Variants in AGBL1 observed in about 807,000 individuals in gnomAD.
The protein encoded by AGBL1 is AGBL carboxypeptidase 1, also known as cytosolic carboxypeptidase 4.
AGBL1 carries 130 observed loss-of-function variants against 118.9 expected under a neutral mutation model. That is an observed-to-expected ratio of 1.09 (90% CI 0.95 to 1.26). The LOEUF (loss-of-function observed/expected upper bound fraction) is 1.26. Ranked by LOEUF, AGBL1 falls within the 50% of genes most tolerant of loss-of-function variation. The probability of loss-of-function intolerance (pLI) is 0.00; values close to 1 mark genes in which losing one functional copy is unlikely to be tolerated. For missense variants in AGBL1, 1,584 were observed against 1,298.1 expected, an observed-to-expected ratio of 1.22 and a Z score of -3.38; for synonymous variants, 555 against 478.9, an observed-to-expected ratio of 1.16 and a Z score of -2.08.
At chr15:86,621,984 C>G (rs1232034570) in intron 21 of AGBL1, among the ~76,000 whole-genome samples, 1 of 152,012 alleles carries the variant, frequency 6.6e-6, no homozygotes. Context: ...AATTAGAAAC[C>G]AGCTTCCCTC....
intron 18 of AGBL1, among the ~76,000 whole-genome samples, chr15:86,402,547 C>T (rs767062975): frequency 1.1e-4 from 16 of 152,046 alleles, no homozygotes; most frequent in African/African-American, 1.9e-4. Context: ...AAAGAAATGT[C>T]CTGTGTGTTG....
At chr15:86,118,703 G>A (rs1231980989) in intron 1 of AGBL1, among the ~76,000 whole-genome samples, 1 of 151,850 alleles carries the variant, frequency 6.6e-6, no homozygotes, top group Non-Finnish European at 1.5e-5. Flanking sequence ...TTCTTCTCTT[G>A]GATTCTGTTT....
downstream of AGBL1, among the ~76,000 whole-genome samples, chr15:86,917,143 T>C (rs1022683590): frequency 6.6e-6 from 1 of 152,112 alleles, no homozygotes; most frequent in South Asian, 2.1e-4. The surrounding 1 kb of genome is among the most constrained non-coding windows in gnomAD (Gnocchi z 4.8). Context: ...GGGAGTTTGA[T>C]GCCACCCTGG....
At chr15:86,172,657 T>C (rs1362777767) in intron 5 of AGBL1, among the ~76,000 whole-genome samples, 2 of 152,182 alleles carry the variant, frequency 1.3e-5, no homozygotes, top group Non-Finnish European at 2.9e-5. Context: ...GATCCATCCA[T>C]GTTGCTGCAA....
intron 12 of AGBL1, 36 bp downstream of exon 12, chr15:86,266,493 T>A (rs1280883023): frequency 6.9e-7 from 1 of 1,447,278 alleles, no homozygotes; most frequent in South Asian, 1.3e-5. Context: ...AGGTGGGGCA[T>A]GGAGAATTCT....
At chr15:86,648,972 G>T (rs191361177) in intron 21 of AGBL1, among the ~76,000 whole-genome samples, 5 of 152,228 alleles carry the variant, frequency 3.3e-5, no homozygotes, top group Admixed American at 1.3e-4. Context: ...GAGAAATGGG[G>T]CCATTGTTGG....
At chr15:86,280,127 C>T (rs552271573) in intron 16 of AGBL1, among the ~76,000 whole-genome samples, 67 of 150,710 alleles carry the variant, frequency 4.4e-4, no homozygotes, top group African/African-American at 1.6e-3. Context: ...TGGGGAGCAA[C>T]ACCATACAAG....
chr15:86,366,572 A>G (rs1265332358), intron 17 of AGBL1, among the ~76,000 whole-genome samples: 1 of 152,190 alleles, frequency 6.6e-6, no homozygotes, highest in Non-Finnish European at 1.5e-5. Flanking sequence ...TAAATTGTTC[A>G]GTTAGATGTG....
intron 22 of AGBL1, among the ~76,000 whole-genome samples, chr15:86,870,202 T>C (rs2079700351): frequency 6.6e-6 from 1 of 151,956 alleles, no homozygotes; most frequent in African/African-American, 2.4e-5. Flanking sequence ...AGGGAACTAA[T>C]TTATAGCCAC....
chr15:86,576,603 G>T (rs1012075254), intron 21 of AGBL1, among the ~76,000 whole-genome samples: 1 of 152,172 alleles, frequency 6.6e-6, no homozygotes, highest in African/African-American at 2.4e-5. Flanking sequence ...GAGGTCTTTA[G>T]GCTGCACTTG....
intron 21 of AGBL1, among the ~76,000 whole-genome samples, chr15:86,601,133 G>A (rs2084486468): frequency 6.6e-6 from 1 of 152,132 alleles, no homozygotes; most frequent in Non-Finnish European, 1.5e-5. Context: ...ACAGTTGACA[G>A]AGTTGTTTGT....
At chr15:86,313,700 T>C (rs1384046059) in intron 17 of AGBL1, among the ~76,000 whole-genome samples, 1 of 152,258 alleles carries the variant, frequency 6.6e-6, no homozygotes, top group Non-Finnish European at 1.5e-5. Context: ...TATGAATTAT[T>C]GACTTCAAGT....
intron 19 of AGBL1, 88 bp from the exon 20 acceptor site, chr15:86,545,914 A>G: frequency 2.7e-6 from 4 of 1,466,746 alleles, no homozygotes; most frequent in Non-Finnish European, 3.7e-6. Context: ...TCTTTGAGCC[A>G]TGGAACATGA....
At chr15:86,920,466 A>G (rs936277780), downstream of AGBL1, among the ~76,000 whole-genome samples, 14 of 152,220 alleles carry the variant, frequency 9.2e-5, no homozygotes, top group Admixed American at 7.2e-4. Context: ...GTATAATCAC[A>G]GGAGTGAAAT....
At chr15:86,971,230 G>C (rs1328525455) in intron 23 of AGBL1, among the ~76,000 whole-genome samples, 1 of 151,934 alleles carries the variant, frequency 6.6e-6, no homozygotes, top group Non-Finnish European at 1.5e-5. Context: ...TGTCATACTT[G>C]GATGTAGATG....
intron 22 of AGBL1, among the ~76,000 whole-genome samples, chr15:86,771,536 T>C (rs1197422915): frequency 6.6e-6 from 1 of 151,928 alleles, no homozygotes; most frequent in African/African-American, 2.4e-5. Flanking sequence ...TCTGGTTTGG[T>C]ATGGGGGAAA....
At chr15:86,208,422 A>G (rs576514877) in intron 5 of AGBL1, among the ~76,000 whole-genome samples, 17 of 152,330 alleles carry the variant, frequency 1.1e-4, no homozygotes, top group African/African-American at 4.1e-4. Flanking sequence ...TACCTCTGGT[A>G]GAATTTGGCT....
chr15:86,775,316 A>G (rs754026569), intron 22 of AGBL1, among the ~76,000 whole-genome samples: 1 of 152,164 alleles, frequency 6.6e-6, no homozygotes, highest in Admixed American at 6.6e-5. Context: ...AAACCCTGGG[A>G]CACTATGACT....
intron 22 of AGBL1, among the ~76,000 whole-genome samples, chr15:86,848,045 C>T (rs557450590): frequency 6.6e-6 from 1 of 152,174 alleles, no homozygotes; most frequent in East Asian, 1.9e-4. Context: ...TTTTTTCCTG[C>T]TTGCTATAAA....
Sources: gnomAD v4.1 joint callset for allele counts (sites outside exome capture counted in the v4.1 genomes callset) on GRCh38, gnomAD v4.1.1 for gene constraint, Gnocchi (gnomAD v3.1) non-coding constraint, MANE v1.5 for transcripts, NCBI Gene and HGNC (gene_info 2026-07-23, HGNC 2026-07-21) for gene names.